The following MAST4 variants were observed in gnomAD, a reference collection of about 807,000 sequenced individuals.
MAST4 encodes microtubule associated serine/threonine kinase family member 4.
MAST4 carries 89 observed loss-of-function variants against 162.7 expected under a neutral mutation model. The ratio of observed to expected loss-of-function variants is 0.55; its 90% CI spans 0.46 to 0.65. MAST4 has a LOEUF of 0.65. MAST4 is among the 30% of genes least tolerant of loss of function. MAST4 has a pLI of 0.00. For missense variants in MAST4, 3,153 were observed against 3,374.0 expected (o/e 0.93, Z 1.62); for synonymous variants, 1,479 against 1,361.1 (o/e 1.09, Z -1.91).
intron 3 of MAST4, among the ~76,000 whole-genome samples, chr5:66,834,851 T>C (rs1757852373): frequency 6.6e-6 from 1 of 152,180 alleles, no homozygotes; most frequent in Non-Finnish European, 1.5e-5. Flanking sequence ...GAATCAATAA[T>C]GCAGGATACC....
At chr5:66,669,412 A>G (rs1363984132) in intron 1 of MAST4, among the ~76,000 whole-genome samples, 2 of 152,198 alleles carry the variant, frequency 1.3e-5, no homozygotes, top group African/African-American at 4.8e-5. Context: ...TTTCTTTGCA[A>G]CACTGCATGG....
At chr5:66,962,945 T>TA (rs1321337947) in intron 4 of MAST4, among the ~76,000 whole-genome samples, 8 of 151,182 alleles carry the variant, frequency 5.3e-5, no homozygotes, top group Middle Eastern at 3.2e-3. Context: ...TTTATCTCCC[T>TA]AAAAAAAGAG....
Position 66,967,763 on chromosome 5 carries a change from A to AAT in MAST4, c.674+67798_674+67799dup, listed in dbSNP as rs147713350. Among the ~76,000 whole-genome samples the AAT allele has an allele frequency of 8.9e-3, 1,318 of 147,796 alleles. 9 individuals are homozygous for AAT. The highest frequency in any genetic ancestry group is 0.038 in the Middle Eastern group (11 of 288). Reference sequence around the variant, plus strand: ...AAATACACACTTTGTCTACAAACTAAATATATATATATATATATGGCCCTA... The same window carrying AAT: ...AAATACACACTTTGTCTACAAACTAAATATATATATATATATATATGGCCCTA... On this transcript the variant is annotated intron_variant, in intron 4 of 28. Transcript: ENST00000403625.
At chr5:66,926,161 C>T (rs1192328030) in intron 4 of MAST4, among the ~76,000 whole-genome samples, 1 of 152,070 alleles carries the variant, frequency 6.6e-6, no homozygotes, top group African/African-American at 2.4e-5. Context: ...AAATTATTTC[C>T]AATTAGTCTG....
intron 1 of MAST4, among the ~76,000 whole-genome samples, chr5:66,680,878 G>A (rs1255205157): frequency 2.6e-5 from 4 of 152,162 alleles, no homozygotes; most frequent in African/African-American, 7.2e-5. Flanking sequence ...TGGAGCAAGC[G>A]CACCCGAAGA....
chr5:66,620,364 A>C (rs1358459622), intron 1 of MAST4, among the ~76,000 whole-genome samples: 1 of 152,200 alleles, frequency 6.6e-6, no homozygotes, highest in Admixed American at 6.5e-5. Context: ...GTAAAAGCTC[A>C]ATACAGTTTT....
At chr5:66,675,656 A>G (rs1203155275) in intron 1 of MAST4, among the ~76,000 whole-genome samples, 1 of 152,174 alleles carries the variant, frequency 6.6e-6, no homozygotes, top group African/African-American at 2.4e-5. Flanking sequence ...GGGGAGGCTC[A>G]TCAAATCTGC....
intron 4 of MAST4, among the ~76,000 whole-genome samples, chr5:66,905,302 C>CAAAAAAAAAAAAAAAAAAAAAAAAAA (rs60337775): frequency 1.3e-5 from 1 of 78,458 alleles, no homozygotes; most frequent in East Asian, 4.3e-4. Flanking sequence ...AACTCTGTCT[C>CAAAAAAAAAAAAAAAAAAAAAAAAAA]AAAAAAAAAA....
intron 1 of MAST4, among the ~76,000 whole-genome samples, chr5:66,631,895 G>A (rs1744817910): frequency 6.6e-6 from 1 of 152,184 alleles, no homozygotes; most frequent in Admixed American, 6.5e-5. Context: ...GAGTTGTTCA[G>A]TTAATAATTG....
intron 23 of MAST4, among the ~76,000 whole-genome samples, chr5:67,148,016 A>C (rs1473488453): frequency 6.6e-6 from 1 of 152,218 alleles, no homozygotes; most frequent in Admixed American, 6.5e-5. Context: ...AACTTTGTCC[A>C]TGAGCGTGGG....
At chr5:66,767,621 C>CAT (rs1321512193) in intron 2 of MAST4, among the ~76,000 whole-genome samples, 5 of 151,748 alleles carry the variant, frequency 3.3e-5, no homozygotes, top group Admixed American at 1.3e-4. Context: ...CACACACACA[C>CAT]ATATATATAA....
At position 66,788,671 on chromosome 5, in the gene MAST4, G is replaced by C; in HGVS notation, c.519G>C (p.Gly173=). 3 of 1,598,532 alleles carry C rather than the reference G, an allele frequency of 1.9e-6. No homozygotes were observed. The highest frequency in any genetic ancestry group is 2.6e-6 in the Non-Finnish European group (3 of 1,171,458). Residue 173 remains glycine, a splice_region_variant and synonymous_variant, in exon 3 of 29, where the codon GGG becomes GGC. Transcript: ENST00000403625. The part of the protein sequence containing the change: ...RRGSLGGALT[G]RYLLPNPVAG... Reference sequence around the variant, plus strand: ...TTTTCTTCTCTTTAACTCCAACAGGGAGGTACCTTCTTCCAAACCCGGTGG... The same window carrying C: ...TTTTCTTCTCTTTAACTCCAACAGGCAGGTACCTTCTTCCAAACCCGGTGG...
chr5:66,905,514 A>G (rs1343826954), intron 4 of MAST4, among the ~76,000 whole-genome samples: 1 of 152,172 alleles, frequency 6.6e-6, no homozygotes, highest in African/African-American at 2.4e-5. Flanking sequence ...TGGTAACAGT[A>G]TTCCTCATTA....
chr5:67,097,113 C>T (rs996005069), intron 7 of MAST4, among the ~76,000 whole-genome samples: 3 of 152,058 alleles, frequency 2.0e-5, no homozygotes, highest in African/African-American at 7.2e-5. Context: ...ATAGAAGTCT[C>T]TCTTTTGCAA....
chr5:66,711,781 G>A (rs1750510936), intron 1 of MAST4, among the ~76,000 whole-genome samples: 1 of 152,158 alleles, frequency 6.6e-6, no homozygotes, highest in Non-Finnish European at 1.5e-5. Flanking sequence ...GTTGCAGTGT[G>A]CCGAGATCAT....
chr5:66,870,864 C>A, intron 3 of MAST4: 1 of 471,468 alleles, frequency 2.1e-6, no homozygotes. Flanking sequence ...TGAGTGTGTC[C>A]TGTTGCCCTG....
chr5:66,906,950 A>C (rs1392842407), intron 4 of MAST4, among the ~76,000 whole-genome samples: 1 of 152,096 alleles, frequency 6.6e-6, no homozygotes, highest in Non-Finnish European at 1.5e-5. Flanking sequence ...GGGGAACTTG[A>C]TGGTAGCTTC....
intron 1 of MAST4, among the ~76,000 whole-genome samples, chr5:66,628,847 G>A (rs1402081309): frequency 6.6e-6 from 1 of 152,068 alleles, no homozygotes; most frequent in African/African-American, 2.4e-5. Context: ...TTGGTATTGA[G>A]GTCTGATAAA....
intron 26 of MAST4, among the ~76,000 whole-genome samples, chr5:67,155,747 T>C (rs1772408246): frequency 6.6e-6 from 1 of 151,922 alleles, no homozygotes; most frequent in Non-Finnish European, 1.5e-5. Flanking sequence ...ATGTGCAAAA[T>C]ACTGCAAGGG....
Sources: gnomAD v4.1 joint callset for allele counts (sites outside exome capture counted in the v4.1 genomes callset) on GRCh38, gnomAD v4.1.1 for gene constraint, MANE v1.5 for transcripts, NCBI Gene and HGNC (gene_info 2026-07-23, HGNC 2026-07-21) for gene names.